Variants in DCUN1D1 observed in about 807,000 individuals in gnomAD.
DCUN1D1 encodes defective in cullin neddylation 1 domain containing 1.
In DCUN1D1, 3 loss-of-function variants were observed where a neutral mutation model predicts 39.0. The observed-to-expected ratio is 0.08, with a 90% confidence interval of 0.04 to 0.20. The LOEUF is 0.20. Ranked by LOEUF, DCUN1D1 falls within the 10% of genes least tolerant of loss-of-function variation. The pLI, the probability that DCUN1D1 is intolerant of heterozygous loss-of-function variation, is 1.00. For synonymous variants in DCUN1D1, 82 were observed against 96.3 expected (o/e 0.85, Z 0.87); for missense variants, 158 against 302.4 (o/e 0.52, Z 3.54).
At chr3:182,975,747 G>A (rs554783391) in intron 1 of DCUN1D1, among the ~76,000 whole-genome samples, 2 of 150,650 alleles carry the variant, frequency 1.3e-5, no homozygotes, top group Admixed American at 6.6e-5. Flanking sequence ...GAGGGTCAGG[G>A]GGAGATAAAA....
Position 182,943,685 on chromosome 3 carries a change from T to C in DCUN1D1, c.*1409A>G, listed in dbSNP as rs1172613621. ...ATCATCAAACATTTGAAGTATTACA[T>C]TTCTAGCCTGCCTTACGGAAATGTT... is the stretch of plus-strand genomic sequence containing the variant. On this transcript the variant is annotated 3_prime_UTR_variant, in exon 7 of 7. Coordinates refer to ENST00000292782, the MANE Select transcript of DCUN1D1 (RefSeq NM_020640.4). The C allele has an allele frequency of 6.6e-6, 1 of 152,556 alleles. No individual in the cohort carries two copies. The highest frequency in any genetic ancestry group is 1.5e-5 in the Non-Finnish European group (1 of 68,024). 9.5% of individuals were successfully genotyped at this position (152,556 alleles called of 1,614,324 possible).
At chr3:182,966,414 T>A (rs7626877) in intron 1 of DCUN1D1, among the ~76,000 whole-genome samples, 4,172 of 151,282 alleles carry the variant, frequency 0.028, 202 homozygotes, top group African/African-American at 0.097. Flanking sequence ...ATCAAAATAA[T>A]TTTTTTTTCT....
chr3:182,959,516 A>AAC (rs1215107106), intron 4 of DCUN1D1, among the ~76,000 whole-genome samples: 1 of 149,954 alleles, frequency 6.7e-6, no homozygotes, highest in Non-Finnish European at 1.5e-5. Context: ...AAAAAAAAAA[A>AAC]AAAAAAAAAA....
chr3:182,939,558 G>C lies in DCUN1D1; in HGVS notation c.*5536C>G, dbSNP rs1726047184. The C allele has an allele frequency of 6.6e-6, 1 of 152,168 alleles. No individual in the cohort carries two copies. Among genetic ancestry groups the C allele is most frequent in the Admixed American group, 6.5e-5 (1 of 15,276 alleles). 9.4% of individuals were successfully genotyped at this position (152,168 alleles called of 1,614,324 possible). A position where few individuals can be genotyped will look rare whatever the true frequency, so the allele number is the denominator to read the frequency against. ...TACACGCAGGTATAAGCTGCAACAT[G>C]GATGAACCTCAAAAACATGCTAAGT... On this transcript the variant is annotated 3_prime_UTR_variant, in exon 7 of 7. Transcript: ENST00000292782.
At chr3:182,964,487 C>T (rs2108377050) in intron 2 of DCUN1D1, among the ~76,000 whole-genome samples, 1 of 152,116 alleles carries the variant, frequency 6.6e-6, no homozygotes, top group Middle Eastern at 3.4e-3. Context: ...CTAAACTATG[C>T]AATTCAACCC....
chr3:182,960,221 A>T (rs930554039), intron 4 of DCUN1D1, among the ~76,000 whole-genome samples: 1 of 152,172 alleles, frequency 6.6e-6, no homozygotes, highest in Non-Finnish European at 1.5e-5. Context: ...TATCACCATC[A>T]TCAAAATCTT....
rs1020601708 is a variant in DCUN1D1 at position 182,942,064 on chromosome 3, C to T, written c.*3030G>A. 2 of 151,994 alleles carry T rather than the reference C, an allele frequency of 1.3e-5. No individual in the cohort carries two copies. Among genetic ancestry groups the T allele is most frequent in the East Asian group, 1.9e-4 (1 of 5,198 alleles). 9.4% of individuals were successfully genotyped at this position (151,994 alleles called of 1,614,324 possible). A position where few individuals can be genotyped will look rare whatever the true frequency, so the allele number is the denominator to read the frequency against. On this transcript the variant is annotated 3_prime_UTR_variant, in exon 7 of 7. Transcript: ENST00000292782. ...TAAGAATTCCCCAGTAAAGATATTA[C>T]GTAAAGGATTTCTCATGTTATTTTG...
At chr3:182,980,664 C>G, upstream of DCUN1D1, 1 of 849,642 alleles carries the variant, frequency 1.2e-6, no homozygotes, top group Non-Finnish European at 1.4e-6. Flanking sequence ...GGGACGGAGG[C>G]AGGCGGAGGG....
chr3:182,983,180 C>T (rs1042977530), upstream of DCUN1D1, among the ~76,000 whole-genome samples: 1 of 152,160 alleles, frequency 6.6e-6, no homozygotes, highest in African/African-American at 2.4e-5. Flanking sequence ...CCTCATATTT[C>T]AGTTTTCACA....
At chr3:182,963,538 G>C (rs1727510803) in intron 3 of DCUN1D1, among the ~76,000 whole-genome samples, 1 of 151,888 alleles carries the variant, frequency 6.6e-6, no homozygotes, top group African/African-American at 2.4e-5. Flanking sequence ...TTAAATTCTA[G>C]GATTTTATAA....
At chr3:182,977,151 T>C (rs1268462578) in intron 1 of DCUN1D1, among the ~76,000 whole-genome samples, 2 of 152,224 alleles carry the variant, frequency 1.3e-5, no homozygotes, top group East Asian at 3.8e-4. Flanking sequence ...TCATATGAGT[T>C]AACAGATAAT....
chr3:182,970,030 G>A (rs375825808), intron 1 of DCUN1D1, among the ~76,000 whole-genome samples: 3 of 152,256 alleles, frequency 2.0e-5, no homozygotes, highest in East Asian at 3.9e-4. Flanking sequence ...GAGGCAGTGG[G>A]ACTATTTGAG....
Position 182,947,281 on chromosome 3 carries a change from G to A in DCUN1D1, c.657C>T (p.Phe219=), listed in dbSNP as rs1726463789. The part of the protein sequence containing the change: ...PKDTWNLLLD[F]STMIADDMSN... ...ACATGTCATCTGCAATCATCGTACT[G>A]AAGTCTAAAAGAAGATTCCAAGTGT... is the stretch of plus-strand genomic sequence containing the variant. The change falls in exon 6 of 7, where the codon TTC becomes TTT. Residue 219 remains phenylalanine (F), a synonymous_variant. Transcript: ENST00000292782. The A allele has an allele frequency of 1.2e-6, 2 of 1,609,780 alleles. No individual in the cohort carries two copies. Among genetic ancestry groups the A allele is most frequent in the Non-Finnish European group, 1.7e-6 (2 of 1,178,702 alleles).
chr3:182,968,605 C>CT (rs953091292), intron 1 of DCUN1D1, among the ~76,000 whole-genome samples: 1,993 of 145,608 alleles, frequency 0.014, 35 homozygotes, highest in African/African-American at 0.045. Context: ...TAAATGTAAA[C>CT]TTTTTTTTTT....
At chr3:182,945,573 G>A (rs994520824) in intron 6 of DCUN1D1, among the ~76,000 whole-genome samples, 5 of 151,690 alleles carry the variant, frequency 3.3e-5, no homozygotes, top group Non-Finnish European at 7.4e-5. Context: ...CTCCAGCCTG[G>A]GGGACAGAGC....
At chr3:182,949,642 GC>G (rs1726604886) in intron 4 of DCUN1D1, among the ~76,000 whole-genome samples, 1 of 150,870 alleles carries the variant, frequency 6.6e-6, no homozygotes, top group Admixed American at 6.6e-5. Context: ...AATCCTTTGA[GC>G]CCAGGAGATC....
intron 6 of DCUN1D1, 70 bp downstream of exon 6, chr3:182,947,168 C>A: frequency 7.9e-6 from 6 of 759,288 alleles, no homozygotes; most frequent in Admixed American, 3.1e-5. Flanking sequence ...ACAAAAGTAC[C>A]TAAGAAGTTC....
At chr3:182,955,872 C>T (rs976318425) in intron 4 of DCUN1D1, 4 of 183,932 alleles carry the variant, frequency 2.2e-5, no homozygotes, top group Non-Finnish European at 3.4e-5. Context: ...TGAGCCACCG[C>T]GCCCAGCCGC....
chr3:182,952,572 T>C (rs1222386628), intron 4 of DCUN1D1, among the ~76,000 whole-genome samples: 1 of 152,130 alleles, frequency 6.6e-6, no homozygotes, highest in Non-Finnish European at 1.5e-5. Flanking sequence ...TCCTTCTATG[T>C]CACCACCCAC....
Sources: gnomAD v4.1 joint callset for allele counts (sites outside exome capture counted in the v4.1 genomes callset) on GRCh38, gnomAD v4.1.1 for gene constraint, MANE v1.5 for transcripts, NCBI Gene and HGNC (gene_info 2026-07-23, HGNC 2026-07-21) for gene names.